Variants in BRINP3 observed in about 807,000 individuals in gnomAD.
BRINP3 encodes BMP/retinoic acid inducible neural specific 3.
BRINP3 carries 19 observed loss-of-function variants against 71.0 expected under a neutral mutation model. That is an observed-to-expected ratio of 0.27 (90% CI 0.19 to 0.39). BRINP3 has a LOEUF of 0.39. Ranked by LOEUF, BRINP3 falls within the 10% of genes least tolerant of loss-of-function variation. The pLI is 1.00. For synonymous variants in BRINP3, 380 were observed against 337.7 expected (o/e 1.13, Z -1.37); for missense variants, 959 against 940.8 (o/e 1.02, Z -0.25).
chr1:190,364,761 T>C (rs1403326792), intron 2 of BRINP3, among the ~76,000 whole-genome samples: 2 of 152,134 alleles, frequency 1.3e-5, no homozygotes, highest in Admixed American at 6.6e-5. Flanking sequence ...TTAATAATGC[T>C]TGCAAAACTG....
chr1:190,323,605 A>T (rs974126978), intron 2 of BRINP3, among the ~76,000 whole-genome samples: 1 of 151,784 alleles, frequency 6.6e-6, no homozygotes, highest in Admixed American at 6.6e-5. Context: ...TACAAAAAAA[A>T]AAAAATAAGA....
chr1:190,386,981 C>A (rs1670952044), intron 2 of BRINP3, among the ~76,000 whole-genome samples: 1 of 151,932 alleles, frequency 6.6e-6, no homozygotes, highest in African/African-American at 2.4e-5. Flanking sequence ...TTTGCACCAC[C>A]ACACCACCAA....
intron 6 of BRINP3, among the ~76,000 whole-genome samples, chr1:190,165,688 CA>C (rs36073895): frequency 0.2 from 29,856 of 145,798 alleles, 3,318 homozygotes; most frequent in East Asian, 0.35. Context: ...TTTTCAGTGG[CA>C]AAAAAAAAAA....
At chr1:190,272,632 C>G (rs544734360) in intron 3 of BRINP3, among the ~76,000 whole-genome samples, 1 of 151,292 alleles carries the variant, frequency 6.6e-6, no homozygotes, top group Admixed American at 6.6e-5. Context: ...TTTAATTTTA[C>G]CACAGGAATC....
chr1:190,389,579 A>G (rs1366096109), intron 2 of BRINP3, among the ~76,000 whole-genome samples: 2 of 151,798 alleles, frequency 1.3e-5, no homozygotes, highest in Non-Finnish European at 2.9e-5. Flanking sequence ...CATTGAAGTG[A>G]GTAGCTATAT....
intron 3 of BRINP3, among the ~76,000 whole-genome samples, chr1:190,266,530 G>A (rs1661677629): frequency 6.6e-6 from 1 of 152,060 alleles, no homozygotes; most frequent in African/African-American, 2.4e-5. Flanking sequence ...AACAATATTA[G>A]GTAGTGTAAA....
intron 6 of BRINP3, among the ~76,000 whole-genome samples, chr1:190,203,800 T>TATATATATAC (rs1655248173): frequency 4.1e-5 from 2 of 48,856 alleles, no homozygotes; most frequent in African/African-American, 1.6e-4. Flanking sequence ...TATATATATA[T>TATATATATAC]ATATATATAT....
At chr1:190,423,272 C>A (rs1673497074) in intron 2 of BRINP3, among the ~76,000 whole-genome samples, 1 of 151,648 alleles carries the variant, frequency 6.6e-6, no homozygotes, top group Non-Finnish European at 1.5e-5. Context: ...TACTTTATGA[C>A]AGCTGAAAAT....
intron 2 of BRINP3, among the ~76,000 whole-genome samples, chr1:190,325,244 T>C (rs1289379548): frequency 6.6e-6 from 1 of 151,950 alleles, no homozygotes; most frequent in Non-Finnish European, 1.5e-5. Context: ...TTGATTATAA[T>C]TACCTTAAAA....
intron 6 of BRINP3, among the ~76,000 whole-genome samples, chr1:190,185,877 T>A (rs937882021): frequency 2.0e-5 from 3 of 152,132 alleles, no homozygotes; most frequent in Non-Finnish European, 2.9e-5. Context: ...GTGTTGGGAA[T>A]ATTCAATATC....
chr1:190,319,514 A>G (rs1250259733), intron 2 of BRINP3, among the ~76,000 whole-genome samples: 1 of 152,106 alleles, frequency 6.6e-6, no homozygotes, highest in Non-Finnish European at 1.5e-5. Flanking sequence ...AATAGGTTTA[A>G]TTGGCTCACT....
chr1:190,242,314 A>G (rs1006139721), intron 4 of BRINP3, among the ~76,000 whole-genome samples: 1 of 152,048 alleles, frequency 6.6e-6, no homozygotes, highest in African/African-American at 2.4e-5. Flanking sequence ...GCATCTCAAC[A>G]CAAAAGTAAG....
chr1:190,310,106 T>G (rs975348238), intron 2 of BRINP3, among the ~76,000 whole-genome samples: 8 of 146,654 alleles, frequency 5.5e-5, no homozygotes, highest in African/African-American at 1.3e-4. Context: ...GGTTGTTGTT[T>G]TTTTTTTTTT....
intron 7 of BRINP3, among the ~76,000 whole-genome samples, chr1:190,142,206 A>C (rs552433573): frequency 6.6e-6 from 1 of 152,318 alleles, no homozygotes; most frequent in South Asian, 2.1e-4. Flanking sequence ...TGCTTGCCTC[A>C]GAATATGTAA....
At chr1:190,457,443 CA>C (rs548408177) in intron 1 of BRINP3, among the ~76,000 whole-genome samples, 1,129 of 106,834 alleles carry the variant, frequency 0.011, 9 homozygotes, top group Non-Finnish European at 0.017. Flanking sequence ...GGCTCTGTCT[CA>C]AAAAAACACA....
rs551674746 is a variant in BRINP3, at chr1:190,345,178, G to C, written c.237-63428C>G. Among the ~76,000 whole-genome samples, 4 of 151,872 alleles carry C rather than the reference G, an allele frequency of 2.6e-5. No individual in the cohort carries two copies. In the South Asian group the frequency reaches 8.3e-4, roughly 32 times the overall value. ...CATTGAGACTCATTGGTCTGAAAAT[G>C]ACCTCAATAAGTCTACTGTCTCTAT... is the stretch of plus-strand genomic sequence containing the variant. On this transcript the variant is annotated intron_variant, in intron 2 of 7. Transcript: ENST00000367462.
At chr1:190,197,397 C>T (rs925468885) in intron 6 of BRINP3, among the ~76,000 whole-genome samples, 2 of 152,160 alleles carry the variant, frequency 1.3e-5, no homozygotes, top group Non-Finnish European at 2.9e-5. Flanking sequence ...AGCATGAACT[C>T]AAAAGTCCAT....
Position 190,131,684 on chromosome 1 carries a change from T to A in BRINP3, c.1184+28984A>T, listed in dbSNP as rs532823653. Among the ~76,000 whole-genome samples, 179 of 152,220 alleles carry A rather than the reference T, an allele frequency of 1.2e-3. 6 individuals carry two copies. The South Asian group carries it at 0.037, about 31-fold the overall frequency. ...TATTTAACAAGTAAATCTGGTAGTA[T>A]CATTCTCCTGCTCCAACAATTCAGC... On this transcript the variant is annotated intron_variant, in intron 7 of 7. Coordinates refer to ENST00000367462, the MANE Select transcript of BRINP3 (RefSeq NM_199051.3).
At position 190,264,974 on chromosome 1, in the gene BRINP3, G is replaced by C; in HGVS notation, c.509C>G (p.Ser170Cys). 1 of 1,612,088 alleles carries C rather than the reference G, an allele frequency of 6.2e-7. No individual in the cohort carries two copies. The highest frequency in any genetic ancestry group is 1.3e-5 in the African/African-American group (1 of 74,874). Residue 170 changes from serine (S) to cysteine (C), a missense_variant, in exon 4 of 8, where the codon TCT becomes TGT. Physicochemically the swap from Ser to Cys is moderately radical, Grantham distance 112. Coordinates refer to ENST00000367462, the MANE Select transcript of BRINP3 (RefSeq NM_199051.3). ...AEGSDSTTNS[S>C]SVTLETLHQL... ...ATGTAGCGTCTCCAGAGTGACCGAA[G>C]AGCTATTGGTGGTGGAATCACTTCC...
Sources: gnomAD v4.1 joint callset for allele counts (sites outside exome capture counted in the v4.1 genomes callset) on GRCh38, gnomAD v4.1.1 for gene constraint, MANE v1.5 for transcripts, NCBI Gene and HGNC (gene_info 2026-07-23, HGNC 2026-07-21) for gene names.